The following SEMA5A variants were observed in gnomAD, a reference collection of about 807,000 sequenced individuals.
The protein encoded by SEMA5A is semaphorin 5A.
In SEMA5A, 55 loss-of-function variants were observed where a neutral mutation model predicts 135.5. The ratio of observed to expected loss-of-function variants is 0.41; its 90% confidence interval spans 0.33 to 0.51. The LOEUF (loss-of-function observed/expected upper bound fraction) is 0.51. Among genes scored for constraint, SEMA5A ranks in the 20% least tolerant of loss-of-function variants. The probability of loss-of-function intolerance (pLI) is 0.37; values close to 1 mark genes in which losing one functional copy is unlikely to be tolerated. For missense variants in SEMA5A, 1,290 were observed against 1,419.9 expected (o/e 0.91, Z 1.47); for synonymous variants, 580 against 546.5 (o/e 1.06, Z -0.85).
chr5:9,453,434 C>T (rs1260681360), intron 1 of SEMA5A, among the ~76,000 whole-genome samples: 1 of 152,072 alleles, frequency 6.6e-6, no homozygotes, highest in Non-Finnish European at 1.5e-5. Flanking sequence ...GGTGATTTGT[C>T]TGTTTAAAAT....
chr5:9,048,541 C>G (rs1736394349), intron 21 of SEMA5A, among the ~76,000 whole-genome samples: 1 of 151,686 alleles, frequency 6.6e-6, no homozygotes, highest in African/African-American at 2.4e-5. Flanking sequence ...CTCACAGCAG[C>G]ACTGTTAAGG....
chr5:9,350,828 T>C (rs1424576275), intron 3 of SEMA5A, among the ~76,000 whole-genome samples: 1 of 152,226 alleles, frequency 6.6e-6, no homozygotes, highest in Non-Finnish European at 1.5e-5. Context: ...ACATGCCTTT[T>C]ATGGGTGCTA....
chr5:9,100,359 C>T (rs920029517), intron 16 of SEMA5A, among the ~76,000 whole-genome samples: 5 of 152,158 alleles, frequency 3.3e-5, no homozygotes, highest in South Asian at 2.1e-4. Flanking sequence ...CAGACACATC[C>T]ACCTGGGGCA....
intron 1 of SEMA5A, among the ~76,000 whole-genome samples, chr5:9,527,248 A>G (rs548223477): frequency 6.4e-4 from 98 of 152,166 alleles, no homozygotes; most frequent in African/African-American, 2.3e-3. Flanking sequence ...TCTACCTCTC[A>G]TCTTCTCCAT....
At chr5:9,085,503 G>A (rs376091301) in intron 16 of SEMA5A, among the ~76,000 whole-genome samples, 67 of 152,340 alleles carry the variant, frequency 4.4e-4, no homozygotes, top group Middle Eastern at 3.4e-3. Flanking sequence ...GCTGCAGAGG[G>A]TGCAAGCCCC....
Position 9,225,428 on chromosome 5 carries a change from G to A in SEMA5A, c.433-541C>T, listed in dbSNP as rs76721924. 1.9e-3 allele frequency among the ~76,000 whole-genome samples: 255 copies of A among 134,188 alleles called. 1 individual carries two copies. In the East Asian group the frequency reaches 0.05, roughly 26 times the overall value. 88.0% of individuals were successfully genotyped at this position (134,188 alleles called of 152,430 possible). On this transcript the variant is annotated intron_variant, in intron 7 of 22. Transcript: ENST00000382496. ...AAAAAAAAAAAAAAAAATTAGCCAC[G>A]CATGGTGGCATGCACCTGTAGTCCC... is the stretch of plus-strand genomic sequence containing the variant.
At chr5:9,480,857 C>A (rs2126777753) in intron 1 of SEMA5A, among the ~76,000 whole-genome samples, 1 of 152,268 alleles carries the variant, frequency 6.6e-6, no homozygotes, top group Admixed American at 6.5e-5. Flanking sequence ...GAGCCATGGA[C>A]ACATAGATAT....
intron 1 of SEMA5A, among the ~76,000 whole-genome samples, chr5:9,512,642 T>C (rs1736273591): frequency 1.3e-5 from 2 of 152,144 alleles, no homozygotes; most frequent in South Asian, 4.1e-4. Context: ...CGGTGTTGAG[T>C]ATTCTGGAAA....
chr5:9,164,078 ATAATTATAAATATAT>A (rs1335709129), intron 11 of SEMA5A, among the ~76,000 whole-genome samples: 2 of 18,984 alleles, frequency 1.1e-4, no homozygotes, highest in African/African-American at 2.5e-4. Flanking sequence ...TATAATTTAT[ATAATTATAAATATAT>A]CATATAAATA....
chr5:9,535,592 G>C (rs529102927), intron 1 of SEMA5A, among the ~76,000 whole-genome samples: 1 of 152,254 alleles, frequency 6.6e-6, no homozygotes, highest in South Asian at 2.1e-4. Flanking sequence ...ATGCAGGGAG[G>C]AGTGGATCGG....
intron 1 of SEMA5A, among the ~76,000 whole-genome samples, chr5:9,440,976 C>T (rs767758007): frequency 2.0e-5 from 3 of 152,154 alleles, no homozygotes; most frequent in African/African-American, 7.2e-5. Flanking sequence ...GAAAAGAAAC[C>T]GTAAAAGATA....
At chr5:9,509,519 C>T (rs1250193582) in intron 1 of SEMA5A, among the ~76,000 whole-genome samples, 2 of 152,126 alleles carry the variant, frequency 1.3e-5, no homozygotes, top group East Asian at 1.9e-4. Flanking sequence ...AGGTGATCCA[C>T]CCACCTTGGC....
chr5:9,156,665 G>A (rs1304225470), intron 11 of SEMA5A, among the ~76,000 whole-genome samples: 1 of 152,206 alleles, frequency 6.6e-6, no homozygotes, highest in East Asian at 1.9e-4. Context: ...GATCCAGCTG[G>A]AGGATCACTG....
At chr5:9,121,058 G>A (rs555345387) in intron 14 of SEMA5A, among the ~76,000 whole-genome samples, 18 of 152,250 alleles carry the variant, frequency 1.2e-4, no homozygotes, top group African/African-American at 2.4e-4. Flanking sequence ...GATTACAGGC[G>A]TGAGCGACCA....
intron 6 of SEMA5A, among the ~76,000 whole-genome samples, chr5:9,230,446 A>G (rs1747565589): frequency 6.6e-6 from 1 of 152,140 alleles, no homozygotes; most frequent in South Asian, 2.1e-4. Context: ...TAAGAATATC[A>G]GAGAAAAAGT....
chr5:9,233,277 G>C (rs3026325), intron 6 of SEMA5A, among the ~76,000 whole-genome samples: 5,083 of 152,296 alleles, frequency 0.033, 275 homozygotes, highest in African/African-American at 0.11. Context: ...AGACATTATA[G>C]CCCAACACAC....
chr5:9,486,978 T>C (rs1207846593), intron 1 of SEMA5A, among the ~76,000 whole-genome samples: 1 of 151,328 alleles, frequency 6.6e-6, no homozygotes, highest in Non-Finnish European at 1.5e-5. Context: ...GATTTCTAGA[T>C]ATGCAAAAAT....
chr5:9,324,079 T>TA (rs1561146714), intron 4 of SEMA5A, among the ~76,000 whole-genome samples: 2 of 151,516 alleles, frequency 1.3e-5, no homozygotes, highest in African/African-American at 4.9e-5. Flanking sequence ...ATTTTATTTT[T>TA]TTTTTTTGAG....
At chr5:9,411,069 G>C (rs1757091737) in intron 2 of SEMA5A, among the ~76,000 whole-genome samples, 1 of 150,832 alleles carries the variant, frequency 6.6e-6, no homozygotes, top group Non-Finnish European at 1.5e-5. Flanking sequence ...AAATAAAATA[G>C]ATTATAGCAC....
Sources: gnomAD v4.1 joint callset for allele counts (sites outside exome capture counted in the v4.1 genomes callset) on GRCh38, gnomAD v4.1.1 for gene constraint, MANE v1.5 for transcripts, NCBI Gene and HGNC (gene_info 2026-07-23, HGNC 2026-07-21) for gene names.